The following OSBPL1A variants were observed in gnomAD, a reference collection of about 807,000 sequenced individuals.
The protein encoded by OSBPL1A is oxysterol-binding protein-related protein 1.
OSBPL1A carries 80 observed loss-of-function variants against 137.1 expected under a neutral mutation model. The ratio of observed to expected loss-of-function variants is 0.58; its 90% CI spans 0.49 to 0.70. OSBPL1A has a LOEUF of 0.70. OSBPL1A is among the 30% of genes least tolerant of loss of function. The pLI is 0.00. For missense variants in OSBPL1A, 970 were observed against 1,129.4 expected (o/e 0.86, Z 2.02); for synonymous variants, 365 against 389.7 (o/e 0.94, Z 0.75).
chr18:24,395,113 T>C (rs1450702445), intron 1 of OSBPL1A, among the ~76,000 whole-genome samples: 3 of 152,190 alleles, frequency 2.0e-5, no homozygotes, highest in African/African-American at 7.2e-5. Flanking sequence ...ACTTCATGAA[T>C]TGTTAGTATA....
In OSBPL1A at chr18:24,369,907, C is replaced by T. The variant is rs926371704; in HGVS notation, c.122-1535G>A. 9.2e-5 allele frequency among the ~76,000 whole-genome samples: 14 copies of T among 152,144 alleles called. No homozygotes were observed. The East Asian group carries it at 2.7e-3, about 29-fold the overall frequency. ...CCCCTGTCCCTCACTGAACAGAAGT[C>T]GTGTGAACCTCCACATCAAAACTCC... On this transcript the variant is annotated intron_variant, in intron 2 of 27. Coordinates refer to ENST00000319481, the MANE Select transcript of OSBPL1A (RefSeq NM_080597.4).
chr18:24,171,404 T>A lies in OSBPL1A; in HGVS notation c.2291+5A>T. 1 of 1,598,230 alleles carries A rather than the reference T, an allele frequency of 6.3e-7. No individual in the cohort carries two copies. Among genetic ancestry groups the A allele is most frequent in the South Asian group, 1.1e-5 (1 of 88,690 alleles). On this transcript the variant is annotated splice_donor_5th_base_variant and intron_variant, in intron 23 of 27. Coordinates refer to ENST00000319481, the MANE Select transcript of OSBPL1A (RefSeq NM_080597.4). The stretch of plus-strand genomic sequence containing the variant: ...ACTATTCAACATTTAAAAGAGAAAT[T>A]TTACCTTTTATCTTGAATGTAGCCT...
intron 7 of OSBPL1A, among the ~76,000 whole-genome samples, 182 bp from the exon 8 acceptor site, chr18:24,318,991 G>A (rs946674361): frequency 1.3e-5 from 2 of 152,104 alleles, no homozygotes; most frequent in African/African-American, 4.8e-5. Flanking sequence ...CCTTTTGGTC[G>A]CTAACTATTA....
At chr18:24,367,324 T>C (rs1298029024) in intron 3 of OSBPL1A, among the ~76,000 whole-genome samples, 1 of 151,720 alleles carries the variant, frequency 6.6e-6, no homozygotes, top group Non-Finnish European at 1.5e-5. Flanking sequence ...AAATAAAAAG[T>C]AAAAAGGTAC....
intron 1 of OSBPL1A, among the ~76,000 whole-genome samples, chr18:24,381,049 A>G (rs1182119753): frequency 6.6e-6 from 1 of 152,304 alleles, no homozygotes; most frequent in East Asian, 1.9e-4. Context: ...TAAAGAAAAA[A>G]TTATTCAGTG....
rs1215971113 is a variant in OSBPL1A, at chr18:24,303,660, A to G, written c.1151T>C (p.Ile384Thr). The change falls in exon 14 of 28, where the codon ATT becomes ACT. Residue 384 changes from isoleucine (I) to threonine (T), a missense_variant. This residue lies in a region of OSBPL1A where 647 missense variants were observed against 672.6 expected (regional missense o/e 0.96). Coordinates refer to ENST00000319481, the MANE Select transcript of OSBPL1A (RefSeq NM_080597.4). ...DREISNFLKMIKECDMAKEML... is the reference protein window; with the variant it reads ...DREISNFLKMTKECDMAKEML... ...ACCTTTAGCCATGTCACACTCCTTA[A>G]TCATTTTGAGAAAGTTGGAAATTTC... 2 of 1,613,398 alleles carry G rather than the reference A, an allele frequency of 1.2e-6. No individual in the cohort carries two copies. Among genetic ancestry groups the G allele is most frequent in the African/African-American group, 2.7e-5 (2 of 74,916 alleles).
intron 1 of OSBPL1A, among the ~76,000 whole-genome samples, chr18:24,387,024 AAAATATATATTTTTG>A (rs1315834270): frequency 6.6e-6 from 1 of 151,962 alleles, no homozygotes; most frequent in Admixed American, 6.6e-5. Context: ...ATATATTTGA[AAAATATATATTTTTG>A]AAATATATAT....
At chr18:24,287,319 T>C (rs763985038) in intron 14 of OSBPL1A, among the ~76,000 whole-genome samples, 3 of 152,198 alleles carry the variant, frequency 2.0e-5, no homozygotes, top group Non-Finnish European at 4.4e-5. Context: ...GAGCCACATA[T>C]GATCTAGAAA....
intron 16 of OSBPL1A, among the ~76,000 whole-genome samples, chr18:24,235,515 T>C (rs991866049): frequency 6.6e-6 from 1 of 152,154 alleles, no homozygotes; most frequent in African/African-American, 2.4e-5. Context: ...ATTCAAGATA[T>C]GATTTGAAGG....
chr18:24,191,034 A>T (rs2086876175), intron 18 of OSBPL1A, among the ~76,000 whole-genome samples: 1 of 152,246 alleles, frequency 6.6e-6, no homozygotes, highest in South Asian at 2.1e-4. Flanking sequence ...AGTGAAAATT[A>T]TTCCAATTTT....
intron 1 of OSBPL1A, among the ~76,000 whole-genome samples, chr18:24,392,410 C>T (rs1285665898): frequency 2.0e-5 from 3 of 152,244 alleles, no homozygotes; most frequent in Middle Eastern, 3.4e-3. Flanking sequence ...CTGCCCACCT[C>T]GGCCTCCCAT....
chr18:24,284,895 A>T (rs2090038561), intron 14 of OSBPL1A, among the ~76,000 whole-genome samples: 2 of 152,216 alleles, frequency 1.3e-5, no homozygotes, highest in African/African-American at 4.8e-5. Flanking sequence ...CTCCCCCAGG[A>T]AGCCTTCCTT....
intron 17 of OSBPL1A, among the ~76,000 whole-genome samples, chr18:24,216,941 CA>C (rs2087720884): frequency 6.6e-6 from 1 of 152,062 alleles, no homozygotes; most frequent in African/African-American, 2.4e-5. Context: ...GGGCAGGAAA[CA>C]AATGATGTAA....
At chr18:24,288,520 C>T (rs1269396181) in intron 14 of OSBPL1A, among the ~76,000 whole-genome samples, 1 of 152,188 alleles carries the variant, frequency 6.6e-6, no homozygotes, top group Non-Finnish European at 1.5e-5. Flanking sequence ...GTAATCCCAG[C>T]ACTTTGGGAG....
At chr18:24,391,455 C>T (rs1467626679) in intron 1 of OSBPL1A, among the ~76,000 whole-genome samples, 1 of 151,638 alleles carries the variant, frequency 6.6e-6, no homozygotes, top group African/African-American at 2.4e-5. Flanking sequence ...GGTGTGATGG[C>T]TCATGCCTGT....
chr18:24,380,773 G>A (rs1448645103), intron 1 of OSBPL1A, among the ~76,000 whole-genome samples: 1 of 152,106 alleles, frequency 6.6e-6, no homozygotes, highest in Non-Finnish European at 1.5e-5. Context: ...TCAACATGGT[G>A]AAACCCCGTC....
chr18:24,389,932 ACT>A (rs1457967842), intron 1 of OSBPL1A, among the ~76,000 whole-genome samples: 3 of 152,034 alleles, frequency 2.0e-5, no homozygotes, highest in African/African-American at 4.8e-5. Context: ...ACAGAGTGAG[ACT>A]CTGTCTCAAA....
chr18:24,164,620 G>A (rs1259536916), intron 27 of OSBPL1A, among the ~76,000 whole-genome samples: 1 of 151,840 alleles, frequency 6.6e-6, no homozygotes, highest in African/African-American at 2.4e-5. Flanking sequence ...AGTAGAGACG[G>A]GGTTTCACCA....
chr18:24,249,524 A>G (rs2089007867), intron 15 of OSBPL1A, among the ~76,000 whole-genome samples: 1 of 152,190 alleles, frequency 6.6e-6, no homozygotes, highest in Non-Finnish European at 1.5e-5. Context: ...GGTCCAACAG[A>G]CAGTCTTGAA....
Sources: allele counts gnomAD v4.1 joint callset (sites outside exome capture counted in the v4.1 genomes callset), GRCh38; gene constraint gnomAD v4.1.1; regional missense constraint gnomAD v4.1.1; transcripts MANE v1.5; gene names NCBI Gene and HGNC (gene_info 2026-07-23, HGNC 2026-07-21).